MTOR: variants seen among roughly 807,000 people sequenced by gnomAD.
MTOR encodes the protein serine/threonine-protein kinase mTOR.
In MTOR, 70 loss-of-function variants were observed where a neutral mutation model predicts 319.8. That is an observed-to-expected ratio of 0.22 (90% CI 0.18 to 0.27). MTOR has a LOEUF of 0.27. MTOR is among the 10% of genes least tolerant of loss of function. MTOR has a pLI of 1.00. For synonymous variants in MTOR, 1,183 were observed against 1,211.4 expected (o/e 0.98, Z 0.49); for missense variants, 1,890 against 3,274.4 (o/e 0.58, Z 10.32).
intron 46 of MTOR, among the ~76,000 whole-genome samples, chr1:11,125,532 A>G (rs568928745): frequency 2.0e-5 from 3 of 151,696 alleles, no homozygotes; most frequent in African/African-American, 7.3e-5. Flanking sequence ...GGAGTTTGAG[A>G]CCAGCCTGGC....
Position 11,127,956 on chromosome 1 carries a change from C to T in MTOR, c.6033+48G>A, listed in dbSNP as rs1243463618. The T allele has an allele frequency of 6.2e-7, 1 of 1,607,686 alleles. No homozygotes were observed. The highest frequency in any genetic ancestry group is 8.5e-7 in the Non-Finnish European group (1 of 1,177,950). On this transcript the variant is annotated intron_variant, in intron 43 of 57. Coordinates refer to ENST00000361445, the MANE Select transcript of MTOR (RefSeq NM_004958.4). This position sits in a 1 kb window ranked among gnomAD's most constrained non-coding sequence, Gnocchi z 5.5. ...GAAAAACAATCCCACTTGCGCCCAC[C>T]AGCTAAGGGACCAGGGTCTATGAAG...
intron 32 of MTOR, among the ~76,000 whole-genome samples, chr1:11,145,927 G>A (rs2100515795): frequency 6.6e-6 from 1 of 152,296 alleles, no homozygotes; most frequent in South Asian, 2.1e-4. Context: ...TTATGAGGGA[G>A]TGTCTCTAAA....
rs1397069527 is a variant in MTOR, at chr1:11,109,540, C to G, written c.7447+109G>C. ...AGAAATTCATGGAACCTTTTCTGCT[C>G]AAAGGCAGTTTTGTTGCTTCATCTT... is the stretch of plus-strand genomic sequence containing the variant. On this transcript the variant is annotated intron_variant, in intron 55 of 57. Coordinates refer to ENST00000361445, the MANE Select transcript of MTOR (RefSeq NM_004958.4). This position sits in a 1 kb window ranked among gnomAD's most constrained non-coding sequence, Gnocchi z 4.0. The G allele has an allele frequency of 8.6e-6, 11 of 1,283,870 alleles. No individual in the cohort carries two copies. Among genetic ancestry groups the G allele is most frequent in the Non-Finnish European group, 1.0e-5 (9 of 891,792 alleles). The allele number at this position is 1,283,870 out of a possible 1,614,324, so 79.5% of individuals were successfully genotyped here. A position where few individuals can be genotyped will look rare whatever the true frequency, so the allele number is the denominator to read the frequency against.
chr1:11,175,036 C>T (rs1305129386), intron 28 of MTOR, among the ~76,000 whole-genome samples: 2 of 152,214 alleles, frequency 1.3e-5, no homozygotes, highest in Non-Finnish European at 2.9e-5. Context: ...TTGACGCCTA[C>T]TGAGGCCAAA....
Position 11,106,695 on chromosome 1 carries a change from A to G in MTOR, c.*790T>C. On this transcript the variant is annotated 3_prime_UTR_variant, in exon 58 of 58. Transcript: ENST00000361445. Reference sequence around the variant, plus strand: ...GACCTTCCCTGTGTTCAGCACCTCCATGACAGTATTTCTGTTTTCTGAGCC... The same window carrying G: ...GACCTTCCCTGTGTTCAGCACCTCCGTGACAGTATTTCTGTTTTCTGAGCC... The G allele has an allele frequency of 1.7e-6, 2 of 1,181,450 alleles. No homozygotes were observed. The highest frequency in any genetic ancestry group is 2.4e-5 in the South Asian group (1 of 42,072). The allele number at this position is 1,181,450 out of a possible 1,614,324, so 73.2% of individuals were successfully genotyped here. A position where few individuals can be genotyped will look rare whatever the true frequency, so the allele number is the denominator to read the frequency against.
chr1:11,253,383 T>C (rs1033143941), intron 6 of MTOR, among the ~76,000 whole-genome samples: 2 of 152,170 alleles, frequency 1.3e-5, no homozygotes, highest in Non-Finnish European at 2.9e-5. Flanking sequence ...ATACTTCCAA[T>C]GTTTACCCCT....
At chr1:11,194,735 A>T in intron 28 of MTOR, 2 of 1,604,702 alleles carry the variant, frequency 1.2e-6, no homozygotes, top group South Asian at 2.2e-5. Flanking sequence ...AGAGTGAATT[A>T]TAACTGTACA....
At chr1:11,231,465 G>A in intron 16 of MTOR, 31 bp from the exon 17 acceptor site, 1 of 1,611,566 alleles carries the variant, frequency 6.2e-7, no homozygotes, top group Non-Finnish European at 8.5e-7. Flanking sequence ...GATTCAATGA[G>A]CCAGTACGAG....
intron 15 of MTOR, 83 bp from the exon 16 acceptor site, chr1:11,232,611 A>G: frequency 9.4e-7 from 1 of 1,067,562 alleles, no homozygotes; most frequent in South Asian, 1.4e-5. Flanking sequence ...ACGGTGGCTC[A>G]TGCCTGTAAT....
chr1:11,234,721 A>G (rs945304335), intron 13 of MTOR, among the ~76,000 whole-genome samples: 2 of 152,244 alleles, frequency 1.3e-5, no homozygotes, highest in Admixed American at 1.3e-4. Context: ...TAGAACAGCT[A>G]TGATGCCAAG....
In MTOR at chr1:11,199,244, G is replaced by A. The variant is rs765393198; in HGVS notation, c.4253+14C>T. On this transcript the variant is annotated intron_variant, in intron 28 of 57. Coordinates refer to ENST00000361445, the MANE Select transcript of MTOR (RefSeq NM_004958.4). The surrounding 1 kb of genome is among the most constrained non-coding windows in gnomAD (Gnocchi z 4.5). ...TTGCATGAAGGCAGCAATTAAAAAG[G>A]GTTTATGGCCTACCTGATGAGAGAT... 1 of 1,614,188 alleles carries A rather than the reference G, an allele frequency of 6.2e-7. No individual in the cohort carries two copies. Among genetic ancestry groups the A allele is most frequent in the Non-Finnish European group, 8.5e-7 (1 of 1,180,036 alleles).
At position 11,218,260 on chromosome 1, in the gene MTOR, TC is replaced by T. The variant is rs533248452; in HGVS notation, c.3031-2027del. ...GCCTGGCCAACATGGTGAAACCCCA[TC>T]TCTACTAAAAATACAAAATTTAGCT... On this transcript the variant is annotated intron_variant, in intron 19 of 57. Coordinates refer to ENST00000361445, the MANE Select transcript of MTOR (RefSeq NM_004958.4). Among the ~76,000 whole-genome samples the T allele has an allele frequency of 3.2e-3, 492 of 152,024 alleles. 2 individuals are homozygous for T. The highest frequency in any genetic ancestry group is 5.7e-3 in the Non-Finnish European group (385 of 67,948).
chr1:11,217,266 A>G (rs193142751), intron 19 of MTOR, among the ~76,000 whole-genome samples: 7 of 152,330 alleles, frequency 4.6e-5, no homozygotes, highest in African/African-American at 1.7e-4. Flanking sequence ...AGGTGTGGGT[A>G]AAGAAAATCT....
intron 6 of MTOR, among the ~76,000 whole-genome samples, chr1:11,252,045 A>T (rs542866207): frequency 7.2e-5 from 11 of 152,152 alleles, no homozygotes; most frequent in Non-Finnish European, 1.5e-4. Context: ...TCCCCTTAGT[A>T]TCCATGGGGG....
chr1:11,248,275 T>C (rs138965966), intron 6 of MTOR, among the ~76,000 whole-genome samples, 181 bp from the exon 7 acceptor site: 217 of 152,308 alleles, frequency 1.4e-3, no homozygotes, highest in African/African-American at 5.0e-3. Flanking sequence ...AGGGACCTGA[T>C]TTTGTTCTAA....
chr1:11,241,532 G>A, intron 10 of MTOR, 21 bp downstream of exon 10: 3 of 1,602,102 alleles, frequency 1.9e-6, no homozygotes, highest in Non-Finnish European at 2.6e-6. Context: ...TACAGGGCAA[G>A]CTCAGGTTTC....
At chr1:11,261,973 GA>G (rs1651194300) in intron 1 of MTOR, among the ~76,000 whole-genome samples, 1 of 152,134 alleles carries the variant, frequency 6.6e-6, no homozygotes, top group Non-Finnish European at 1.5e-5. Flanking sequence ...TTGGATGGGG[GA>G]AACAGGGATG....
At chr1:11,218,279 A>C (rs1646543413) in intron 19 of MTOR, among the ~76,000 whole-genome samples, 1 of 151,972 alleles carries the variant, frequency 6.6e-6, no homozygotes. Flanking sequence ...AAAATACAAA[A>C]TTTAGCTGGG....
chr1:11,152,755 T>C (rs1349120100), intron 30 of MTOR, among the ~76,000 whole-genome samples: 2 of 152,196 alleles, frequency 1.3e-5, no homozygotes, highest in East Asian at 1.9e-4. Flanking sequence ...CTCAGGCATA[T>C]TCAGGATATA....
Sources: allele counts gnomAD v4.1 joint callset (sites outside exome capture counted in the v4.1 genomes callset), GRCh38; gene constraint gnomAD v4.1.1; non-coding constraint Gnocchi (gnomAD v3.1); transcripts MANE v1.5; gene names NCBI Gene and HGNC (gene_info 2026-07-23, HGNC 2026-07-21).